SKIC8: variants seen among roughly 807,000 people sequenced by gnomAD.
SKIC8 encodes the protein SKI8 subunit of superkiller complex.
At chr15:78,293,291 C>T in the SKIC8 span, 1 of 1,609,686 alleles carries the variant, frequency 6.2e-7, no homozygotes, top group Middle Eastern at 1.7e-4. Flanking sequence ...GAAAGTGCTT[C>T]ATTTATAAAG....
chr15:78,288,583 A>G, the SKIC8 span, among the ~76,000 whole-genome samples: 1 of 152,158 alleles, frequency 6.6e-6, no homozygotes, highest in South Asian at 2.1e-4. Flanking sequence ...CTCCTCCCAG[A>G]GCCATTTCTC....
the SKIC8 span, chr15:78,290,594 G>C: frequency 6.6e-6 from 1 of 152,540 alleles, no homozygotes; most frequent in Non-Finnish European, 1.5e-5. Context: ...ATATTTTCAA[G>C]ATAGGTAGAA....
the SKIC8 span, among the ~76,000 whole-genome samples, chr15:78,289,239 C>T: frequency 1.3e-5 from 2 of 151,600 alleles, no homozygotes; most frequent in African/African-American, 2.4e-5. Context: ...ACAGCAAGAC[C>T]CCATCTCCTC....
chr15:78,288,859 C>G, the SKIC8 span: 1 of 426,610 alleles, frequency 2.3e-6, no homozygotes, highest in African/African-American at 2.1e-5. Context: ...TCTTTAGCTA[C>G]CCAGTCCTCC....
the SKIC8 span, chr15:78,295,325 T>C: frequency 1.8e-6 from 1 of 558,782 alleles, no homozygotes; most frequent in Non-Finnish European, 3.2e-6. Flanking sequence ...ACACACAGCC[T>C]GCCTAACCGT....
the SKIC8 span, chr15:78,293,473 T>A: frequency 9.7e-6 from 5 of 513,650 alleles, no homozygotes; most frequent in Non-Finnish European, 1.4e-5. Flanking sequence ...GCCCTAAATC[T>A]CATGTTTACC....
the SKIC8 span, chr15:78,289,569 CCTTT>C: frequency 2.2e-6 from 3 of 1,356,858 alleles, no homozygotes; most frequent in Non-Finnish European, 3.1e-6. Context: ...AATAATTCTT[CCTTT>C]GTGATTTGAT....
chr15:78,293,726 T>C, the SKIC8 span, among the ~76,000 whole-genome samples: 1 of 152,194 alleles, frequency 6.6e-6, no homozygotes, highest in African/African-American at 2.4e-5. Flanking sequence ...TACTATAGCC[T>C]CCATATATTA....
chr15:78,294,267 G>A, the SKIC8 span, among the ~76,000 whole-genome samples: 2 of 152,212 alleles, frequency 1.3e-5, no homozygotes, highest in African/African-American at 4.8e-5. Flanking sequence ...CCTACTTAGA[G>A]AGCAAGAGCT....
the SKIC8 span, chr15:78,285,496 C>T: frequency 1.6e-6 from 1 of 639,966 alleles, no homozygotes; most frequent in Non-Finnish European, 2.8e-6. Flanking sequence ...GGCTTTCTCT[C>T]CTCACAGGGT....
chr15:78,292,776 C>T, the SKIC8 span: 1 of 1,613,758 alleles, frequency 6.2e-7, no homozygotes, highest in Non-Finnish European at 8.5e-7. Context: ...GTAGGTCCAG[C>T]CTCTCATCAC....
the SKIC8 span, chr15:78,286,226 C>T: frequency 9.1e-7 from 1 of 1,093,670 alleles, no homozygotes; most frequent in Non-Finnish European, 1.3e-6. Flanking sequence ...TGCCAATAAG[C>T]TGGACCAAAT....
At chr15:78,295,547 T>G in the SKIC8 span, 1 of 1,261,790 alleles carries the variant, frequency 7.9e-7, no homozygotes, top group Non-Finnish European at 1.2e-6. Context: ...GTACCCAGGG[T>G]CACCCAGCTC....
At chr15:78,296,392 C>T in the SKIC8 span, among the ~76,000 whole-genome samples, 2 of 150,788 alleles carry the variant, frequency 1.3e-5, no homozygotes, top group African/African-American at 4.9e-5. Flanking sequence ...GGTGACAGAG[C>T]GAGACTCCAT....
At chr15:78,296,284 T>C in the SKIC8 span, among the ~76,000 whole-genome samples, 1 of 152,072 alleles carries the variant, frequency 6.6e-6, no homozygotes, top group South Asian at 2.1e-4. Context: ...CGCACACCTG[T>C]AATCCCAGCT....
chr15:78,286,466 C>A, the SKIC8 span: 2 of 217,976 alleles, frequency 9.2e-6, no homozygotes, highest in African/African-American at 4.5e-5. Flanking sequence ...AAATTGAGAA[C>A]CAACGGGGCA....
chr15:78,285,432 C>G, the SKIC8 span: 1 of 1,093,902 alleles, frequency 9.1e-7, no homozygotes, highest in Non-Finnish European at 1.4e-6. Context: ...AACTTCAGAC[C>G]CCCCAACCCC....
chr15:78,283,367 AG>A, the SKIC8 span: 15 of 1,303,988 alleles, frequency 1.2e-5, no homozygotes, highest in Admixed American at 2.7e-4. Context: ...AAGCCTAAGA[AG>A]GTAAGGAATG....
chr15:78,288,582 G>A, the SKIC8 span, among the ~76,000 whole-genome samples: 1 of 152,088 alleles, frequency 6.6e-6, no homozygotes, highest in Non-Finnish European at 1.5e-5. Context: ...TCTCCTCCCA[G>A]AGCCATTTCT....
Sources: gnomAD v4.1 joint callset for allele counts (sites outside exome capture counted in the v4.1 genomes callset) on GRCh38, gnomAD v4.1.1 for gene constraint, MANE v1.5 for transcripts, NCBI Gene and HGNC (gene_info 2026-07-23, HGNC 2026-07-21) for gene names.